The following BNIP1 variants were observed in gnomAD, a reference collection of about 807,000 sequenced individuals.
BNIP1 encodes vesicle transport protein SEC20.
In BNIP1, 25 loss-of-function variants were observed where a neutral mutation model predicts 28.5. The observed-to-expected ratio is 0.88, with a 90% CI of 0.64 to 1.23. The LOEUF (loss-of-function observed/expected upper bound fraction) is 1.23. BNIP1 is among the 50% of genes most tolerant of loss of function. BNIP1 has a pLI of 0.00. For synonymous variants in BNIP1, 118 were observed against 101.7 expected (o/e 1.16, Z -0.96); for missense variants, 276 against 277.0 (o/e 1.00, Z 0.02).
At position 173,157,803 on chromosome 5, in the gene BNIP1, G is replaced by C. The variant is rs147450017; in HGVS notation, c.270-941G>C. Among the ~76,000 whole-genome samples the C allele has an allele frequency of 1.4e-3, 219 of 152,206 alleles. 1 individual carries two copies. Among genetic ancestry groups the C allele is most frequent in the African/African-American group, 5.2e-3 (214 of 41,522 alleles). Reference sequence around the variant, plus strand: ...CGCAGGTGAAGACTGTAGATCCGCCGTGTCAGTCAGGGCTCTGCTAATCCA... The same window carrying C: ...CGCAGGTGAAGACTGTAGATCCGCCCTGTCAGTCAGGGCTCTGCTAATCCA... On this transcript the variant is annotated intron_variant, in intron 3 of 5. Transcript: ENST00000351486.
At position 173,163,957 on chromosome 5, in the gene BNIP1, C is replaced by G. The variant is rs781371831; in HGVS notation, c.*36C>G. ...GTGCCAGTTCTGGCCCTTTCAGCTC[C>G]TGTTTCAGGATCTGTCCTGGTTCCT... is the stretch of plus-strand genomic sequence containing the variant. On this transcript the variant is annotated 3_prime_UTR_variant, in exon 6 of 6. Coordinates refer to ENST00000351486, the MANE Select transcript of BNIP1 (RefSeq NM_001205.3). 2 of 1,551,310 alleles carry G rather than the reference C, an allele frequency of 1.3e-6. No individual in the cohort carries two copies. Among genetic ancestry groups the G allele is most frequent in the African/African-American group, 1.4e-5 (1 of 72,934 alleles).
intron 1 of BNIP1, among the ~76,000 whole-genome samples, chr5:173,145,240 A>C (rs545506593): frequency 3.9e-5 from 6 of 152,316 alleles, no homozygotes; most frequent in African/African-American, 1.4e-4. Flanking sequence ...AACACCTTAG[A>C]GTGTTACCCC....
intron 2 of BNIP1, among the ~76,000 whole-genome samples, chr5:173,148,074 AAAAAAAAAAATATATAT>A (rs1759893649): frequency 2.1e-5 from 1 of 48,160 alleles, no homozygotes; most frequent in Admixed American, 3.1e-4. Flanking sequence ...AAAAAAAAAA[AAAAAAAAAAATATATAT>A]ATATATATAT....
chr5:173,158,478 C>T (rs1355165730), intron 3 of BNIP1, among the ~76,000 whole-genome samples: 1 of 152,236 alleles, frequency 6.6e-6, no homozygotes, highest in African/African-American at 2.4e-5. Flanking sequence ...GCCATGTTCA[C>T]AGCCCCTTGG....
intron 1 of BNIP1, among the ~76,000 whole-genome samples, chr5:173,145,471 G>T (rs5745107): frequency 6.6e-6 from 1 of 152,190 alleles, no homozygotes; most frequent in Non-Finnish European, 1.5e-5. Flanking sequence ...GCGCGATCTC[G>T]ACTCGCGGCA....
chr5:173,151,414 G>T, intron 2 of BNIP1: 1 of 779,294 alleles, frequency 1.3e-6, no homozygotes, highest in Non-Finnish European at 2.0e-6. Flanking sequence ...TAGAGACAGG[G>T]TTTTGCCATG....
Position 173,164,114 on chromosome 5 carries a change from A to G in BNIP1, c.*193A>G, listed in dbSNP as rs1760443931. The G allele has an allele frequency of 1.9e-6, 1 of 518,300 alleles. No homozygotes were observed. The highest frequency in any genetic ancestry group is 3.2e-6 in the Non-Finnish European group (1 of 311,572). The allele number at this position is 518,300 out of a possible 1,614,324, so 32.1% of individuals were successfully genotyped here. A position where few individuals can be genotyped will look rare whatever the true frequency, so the allele number is the denominator to read the frequency against. On this transcript the variant is annotated 3_prime_UTR_variant, in exon 6 of 6. Coordinates refer to ENST00000351486, the MANE Select transcript of BNIP1 (RefSeq NM_001205.3). The surrounding 1 kb of genome is among the most constrained non-coding windows in gnomAD (Gnocchi z 4.0). ...AAGGGTGAACAGAGCCATGGGAGGAAGGTCTGGCATTGGGATGCCGCCCTG... is the reference window on the plus strand; with the variant it reads ...AAGGGTGAACAGAGCCATGGGAGGAGGGTCTGGCATTGGGATGCCGCCCTG...
chr5:173,148,074 AAAAAAAAAAATATATATAT>A (rs1213716767), intron 2 of BNIP1, among the ~76,000 whole-genome samples: 1 of 48,158 alleles, frequency 2.1e-5, no homozygotes, highest in Non-Finnish European at 3.6e-5. Context: ...AAAAAAAAAA[AAAAAAAAAAATATATATAT>A]ATATATATAT....
chr5:173,152,472 C>T (rs1384833313), intron 2 of BNIP1, among the ~76,000 whole-genome samples: 1 of 152,056 alleles, frequency 6.6e-6, no homozygotes, highest in African/African-American at 2.4e-5. Context: ...GCCTCAGCCT[C>T]CCGAGTACCT....
At chr5:173,158,885 G>T in intron 4 of BNIP1, 40 bp downstream of exon 4, 1 of 1,520,872 alleles carries the variant, frequency 6.6e-7, no homozygotes, top group Non-Finnish European at 9.0e-7. Flanking sequence ...GATAATAATA[G>T]ATAACAATTG....
At chr5:173,160,648 C>T (rs986265982) in intron 5 of BNIP1, among the ~76,000 whole-genome samples, 1 of 152,060 alleles carries the variant, frequency 6.6e-6, no homozygotes, top group Non-Finnish European at 1.5e-5. Context: ...GAGAGGGTGT[C>T]GGCAGGGCTG....
chr5:173,144,562 A>G lies in BNIP1; in HGVS notation c.17A>G (p.Asp6Gly), dbSNP rs371311208. 21 of 1,614,120 alleles carry G rather than the reference A, an allele frequency of 1.3e-5. No homozygotes were observed. The Admixed American group carries it at 2.5e-4, about 19-fold the overall frequency. Residue 6 changes from aspartate to glycine, a missense_variant, in exon 1 of 6, where the codon GAC becomes GGC. By Grantham distance (94) the Asp-to-Gly change is moderately conservative. Transcript: ENST00000351486. ...GTCCCCAACATGGCGGCTCCCCAAG[A>G]CGTCCACGTCCGGATCTGTAACCAA... MAAPQ[D>G]VHVRICNQEI...
At chr5:173,159,481 A>C (rs2113858694) in intron 4 of BNIP1, among the ~76,000 whole-genome samples, 1 of 124,744 alleles carries the variant, frequency 8.0e-6, no homozygotes, top group East Asian at 2.0e-4. Flanking sequence ...GTTCATTAAA[A>C]AAAAAAAAAA....
chr5:173,158,751 G>A lies in BNIP1; in HGVS notation c.277G>A (p.Ala93Thr), dbSNP rs1760279593. 1 of 1,613,578 alleles carries A rather than the reference G, an allele frequency of 6.2e-7. No homozygotes were observed. Among genetic ancestry groups the A allele is most frequent in the South Asian group, 1.1e-5 (1 of 91,000 alleles). The change falls in exon 4 of 6, where the codon GCC (alanine) becomes ACC (threonine). Residue 93 changes from alanine to threonine, a missense_variant. By Grantham distance (58) the Ala-to-Thr change is moderately conservative. Transcript: ENST00000351486. ...TGAACCTTCCAATTCCAGCAATCAG[G>A]CCTCATGGAGGAAAGCTAATCTCAC... The part of the protein sequence containing the change: ...NHKKQMLSNQ[A>T]SWRKANLTCK...
At chr5:173,161,505 G>T (rs1760360037) in intron 5 of BNIP1, 1 of 152,236 alleles carries the variant, frequency 6.6e-6, no homozygotes, top group African/African-American at 2.4e-5. Flanking sequence ...CAGTGGGAAG[G>T]AAACACAAAT....
intron 2 of BNIP1, among the ~76,000 whole-genome samples, chr5:173,153,313 T>C (rs1000153758): frequency 5.2e-4 from 79 of 151,964 alleles, no homozygotes; most frequent in African/African-American, 1.8e-3. Context: ...CTGCAAGCTC[T>C]GCCTCCCGGG....
At chr5:173,160,342 C>T (rs539414525) in intron 5 of BNIP1, among the ~76,000 whole-genome samples, 2 of 151,796 alleles carry the variant, frequency 1.3e-5, no homozygotes, top group Non-Finnish European at 2.9e-5. Context: ...TCAAGCGATT[C>T]TCCTGCCTTA....
intron 5 of BNIP1, among the ~76,000 whole-genome samples, chr5:173,162,738 G>A (rs988741945): frequency 4.6e-5 from 7 of 152,088 alleles, no homozygotes; most frequent in African/African-American, 9.7e-5. Context: ...ATGTCTAGGG[G>A]CTGCCATATT....
At chr5:173,149,190 A>G (rs1383347681) in intron 2 of BNIP1, among the ~76,000 whole-genome samples, 1 of 152,130 alleles carries the variant, frequency 6.6e-6, no homozygotes, top group South Asian at 2.1e-4. Context: ...GCCCATCTGT[A>G]TTAGTCTGTT....
Sources: gnomAD v4.1 joint callset for allele counts (sites outside exome capture counted in the v4.1 genomes callset) on GRCh38, gnomAD v4.1.1 for gene constraint, Gnocchi (gnomAD v3.1) non-coding constraint, MANE v1.5 for transcripts, NCBI Gene and HGNC (gene_info 2026-07-23, HGNC 2026-07-21) for gene names.